The following THRB variants were observed in gnomAD, a reference collection of about 807,000 sequenced individuals.
The protein encoded by THRB is thyroid hormone receptor beta, also known as nuclear receptor subfamily 1 group A member 2.
A neutral mutation model predicts 47.8 loss-of-function variants in THRB; 12 were observed. The ratio of observed to expected loss-of-function variants is 0.25; its 90% confidence interval spans 0.16 to 0.41. THRB has a LOEUF of 0.41. Among genes scored for constraint, THRB ranks in the 10% least tolerant of loss-of-function variants. The pLI is 1.00. For synonymous variants in THRB, 218 were observed against 212.2 expected, an observed-to-expected ratio of 1.03 and a Z score of -0.24; for missense variants, 348 against 589.2, an observed-to-expected ratio of 0.59 and a Z score of 4.24.
chr3:24,240,344 T>C (rs1403810076), intron 3 of THRB, among the ~76,000 whole-genome samples: 1 of 152,178 alleles, frequency 6.6e-6, no homozygotes, highest in Non-Finnish European at 1.5e-5. Context: ...TTCAGTAGTT[T>C]ACTGAGCCCG....
chr3:24,356,184 C>G (rs1011179592), intron 1 of THRB, among the ~76,000 whole-genome samples: 20 of 152,094 alleles, frequency 1.3e-4, no homozygotes, highest in African/African-American at 4.8e-4. Context: ...CAAATTTAAT[C>G]AGACTTTAGG....
At chr3:24,166,653 C>T (rs1245461762) in intron 5 of THRB, among the ~76,000 whole-genome samples, 2 of 152,032 alleles carry the variant, frequency 1.3e-5, no homozygotes, top group African/African-American at 2.4e-5. Flanking sequence ...TCAGGAAGGG[C>T]GGATGCTGCT....
At chr3:24,223,274 G>A (rs1346546745) in intron 4 of THRB, among the ~76,000 whole-genome samples, 1 of 152,148 alleles carries the variant, frequency 6.6e-6, no homozygotes, top group Non-Finnish European at 1.5e-5. Context: ...AAGTATGAGA[G>A]AGAAAAATCC....
chr3:24,381,582 C>T (rs1013666595), intron 1 of THRB, among the ~76,000 whole-genome samples: 1 of 152,148 alleles, frequency 6.6e-6, no homozygotes, highest in Non-Finnish European at 1.5e-5. Flanking sequence ...AAAACTCTCT[C>T]CAACTTATAG....
intron 3 of THRB, among the ~76,000 whole-genome samples, chr3:24,257,025 C>T (rs776753401): frequency 6.6e-6 from 1 of 152,072 alleles, no homozygotes. Flanking sequence ...GTTCTGGGTT[C>T]TCGGTTGTGA....
chr3:24,126,524 G>A (rs1261588623), intron 10 of THRB, among the ~76,000 whole-genome samples: 1 of 152,114 alleles, frequency 6.6e-6, no homozygotes, highest in Non-Finnish European at 1.5e-5. Context: ...TTGCACACTG[G>A]CCTAGGTGCT....
intron 1 of THRB, among the ~76,000 whole-genome samples, chr3:24,375,973 T>C (rs17014600): frequency 0.021 from 3,125 of 152,214 alleles, 99 homozygotes; most frequent in African/African-American, 0.07. Flanking sequence ...TCACAAAGGA[T>C]TTACCCCCAG....
Position 24,118,973 on chromosome 3 carries a change from G to GTTTTTTTTTTTTTTT in THRB, c.*3896_*3910dup, listed in dbSNP as rs559325556. On this transcript the variant is annotated 3_prime_UTR_variant, in exon 11 of 11. Coordinates refer to ENST00000646209, the MANE Select transcript of THRB (RefSeq NM_001354712.2). ...GCCAAACCTTTTTTCCCCCAGTCTG[G>GTTTTTTTTTTTTTTT]TTTTTTTTTTTTTTTTTTTTTTTTT... is the stretch of plus-strand genomic sequence containing the variant. The GTTTTTTTTTTTTTTT allele has an allele frequency of 1.4e-4, 7 of 49,526 alleles. No homozygotes were observed. The highest frequency in any genetic ancestry group is 2.8e-4 in the Admixed American group (1 of 3,626). 3.1% of individuals were successfully genotyped at this position (49,526 alleles called of 1,614,324 possible). A position where few individuals can be genotyped will look rare whatever the true frequency, so the allele number is the denominator to read the frequency against.
chr3:24,134,867 T>A (rs2034412828), intron 8 of THRB, among the ~76,000 whole-genome samples: 1 of 152,004 alleles, frequency 6.6e-6, no homozygotes, highest in Non-Finnish European at 1.5e-5. Context: ...GAAAGGGGGA[T>A]GGGAATGAGG....
In THRB at chr3:24,118,031, T is replaced by G. The variant is rs566511456; in HGVS notation, c.*4853A>C. 2 of 152,380 alleles carry G rather than the reference T, an allele frequency of 1.3e-5. No homozygotes were observed. Among genetic ancestry groups the G allele is most frequent in the African/African-American group, 4.8e-5 (2 of 41,578 alleles). The allele number at this position is 152,380 out of a possible 1,614,324, so 9.4% of individuals were successfully genotyped here. ...CCCCCCATCAGCATTTTACTTAGTT[T>G]CTTCTCTCCCTCCATAGTTTCTTCT... On this transcript the variant is annotated 3_prime_UTR_variant, in exon 11 of 11. Coordinates refer to ENST00000646209, the MANE Select transcript of THRB (RefSeq NM_001354712.2).
At chr3:24,485,228 A>G (rs930666339) in intron 1 of THRB, among the ~76,000 whole-genome samples, 1 of 152,234 alleles carries the variant, frequency 6.6e-6, no homozygotes, top group African/African-American at 2.4e-5. Flanking sequence ...AGGCTGTGAG[A>G]TGGTCTTTAA....
At chr3:24,354,081 T>C (rs1577057604) in intron 1 of THRB, among the ~76,000 whole-genome samples, 1 of 152,164 alleles carries the variant, frequency 6.6e-6, no homozygotes, top group East Asian at 1.9e-4. Flanking sequence ...GTCTTTGCTA[T>C]TGTGAACAGT....
intron 3 of THRB, among the ~76,000 whole-genome samples, chr3:24,277,150 T>C (rs1048072119): frequency 1.1e-4 from 16 of 152,292 alleles, no homozygotes; most frequent in African/African-American, 3.6e-4. Flanking sequence ...ACAGTGGTTA[T>C]CAATTTTGCA....
rs1318110435 is a variant in THRB at position 24,281,648 on chromosome 3, TAA to T, written c.-43+15576_-43+15577del. ...AAAAGACACAGACTGGCGAAATGGA[TAA>T]AGAGTCAAGACCCATCAGTGTGCTG... is the stretch of plus-strand genomic sequence containing the variant. On this transcript the variant is annotated intron_variant, in intron 3 of 10. Transcript: ENST00000646209. Among the ~76,000 whole-genome samples, 3 of 81,400 alleles carry T rather than the reference TAA, an allele frequency of 3.7e-5. 1 individual carries two copies. Among genetic ancestry groups the T allele is most frequent in the African/African-American group, 1.1e-4 (3 of 26,212 alleles). The allele number at this position is 81,400 out of a possible 152,430, so 53.4% of individuals were successfully genotyped here.
rs115437280 is a variant in THRB, at chr3:24,256,894, G to A, written c.-42-27893C>T. ...AACAGAGATATTTAGTAGGATTCAG[G>A]GAAATGTTGATGGCCCATTTGAAGG... On this transcript the variant is annotated intron_variant, in intron 3 of 10. Transcript: ENST00000646209. Among the ~76,000 whole-genome samples, 886 of 152,336 alleles carry A rather than the reference G, an allele frequency of 5.8e-3. 13 individuals carry two copies. The highest frequency in any genetic ancestry group is 0.02 in the African/African-American group (830 of 41,584).
chr3:24,310,233 T>C (rs775759335), intron 2 of THRB, among the ~76,000 whole-genome samples: 30 of 152,238 alleles, frequency 2.0e-4, no homozygotes, highest in Non-Finnish European at 3.7e-4. Context: ...TAATGAACTT[T>C]TCATGTGACT....
intron 3 of THRB, among the ~76,000 whole-genome samples, chr3:24,246,944 A>C (rs756869069): frequency 3.3e-5 from 5 of 152,212 alleles, no homozygotes; most frequent in Non-Finnish European, 5.9e-5. Flanking sequence ...AAAAAAATTC[A>C]TGTAATTTGA....
At chr3:24,126,914 G>A (rs2032937377) in intron 10 of THRB, among the ~76,000 whole-genome samples, 1 of 152,098 alleles carries the variant, frequency 6.6e-6, no homozygotes, top group Non-Finnish European at 1.5e-5. Flanking sequence ...TCTTTCTCTT[G>A]GAAATCAACA....
chr3:24,244,883 C>T (rs2049950411), intron 3 of THRB, among the ~76,000 whole-genome samples: 1 of 152,232 alleles, frequency 6.6e-6, no homozygotes, highest in Non-Finnish European at 1.5e-5. Flanking sequence ...GACCATTCTC[C>T]CTCTTCTGGG....
Sources: allele counts gnomAD v4.1 joint callset (sites outside exome capture counted in the v4.1 genomes callset), GRCh38; gene constraint gnomAD v4.1.1; transcripts MANE v1.5; gene names NCBI Gene and HGNC (gene_info 2026-07-23, HGNC 2026-07-21).